Variants in PARVB observed in about 807,000 individuals in gnomAD.
PARVB encodes the protein beta-parvin.
In PARVB, 46 loss-of-function variants were observed where a neutral mutation model predicts 47.0. The ratio of observed to expected loss-of-function variants is 0.98; its 90% CI spans 0.77 to 1.25. The LOEUF (loss-of-function observed/expected upper bound fraction) is 1.25, where lower values mean the gene tolerates loss of function less well. PARVB is among the 50% of genes most tolerant of loss of function. The pLI, the probability that PARVB is intolerant of heterozygous loss-of-function variation, is 0.00. For missense variants in PARVB, 473 were observed against 471.6 expected (o/e 1.00, Z -0.03); for synonymous variants, 196 against 196.3 (o/e 1.00, Z 0.01).
intron 1 of PARVB, among the ~76,000 whole-genome samples, chr22:44,064,619 G>T (rs779440161): frequency 1.3e-5 from 2 of 152,160 alleles, no homozygotes; most frequent in Middle Eastern, 3.2e-3. Context: ...CTGGAGGATC[G>T]CTTGAGCCCA....
intron 1 of PARVB, chr22:44,086,721 T>C: frequency 2.0e-6 from 2 of 984,338 alleles, no homozygotes; most frequent in South Asian, 9.4e-5. Flanking sequence ...CAACTGGACT[T>C]ATTTTTAGAA....
At chr22:44,065,855 GTGCA>G (rs1232098693) in intron 1 of PARVB, among the ~76,000 whole-genome samples, 9 of 135,930 alleles carry the variant, frequency 6.6e-5, no homozygotes, top group South Asian at 2.3e-4. Flanking sequence ...GTGTGTGTGT[GTGCA>G]TGTGTGTGTG....
At chr22:44,133,182 G>A (rs1036507003) in intron 6 of PARVB, among the ~76,000 whole-genome samples, 173 bp downstream of exon 6, 2 of 151,920 alleles carry the variant, frequency 1.3e-5, no homozygotes, top group Non-Finnish European at 2.9e-5. Context: ...TGATTGGAAC[G>A]GGAACAATGG....
At chr22:44,148,108 A>T in intron 9 of PARVB, 186 bp downstream of exon 9, 1 of 611,986 alleles carries the variant, frequency 1.6e-6, no homozygotes. Context: ...TTTTAACTCA[A>T]CCTCGCTGCT....
intron 4 of PARVB, among the ~76,000 whole-genome samples, chr22:44,128,797 G>T (rs1009012905): frequency 6.6e-6 from 1 of 152,206 alleles, no homozygotes; most frequent in South Asian, 2.1e-4. Flanking sequence ...ATAATAATAG[G>T]CTGGGTGTGA....
At chr22:44,065,215 G>A (rs1036502417) in intron 1 of PARVB, among the ~76,000 whole-genome samples, 14 of 152,086 alleles carry the variant, frequency 9.2e-5, no homozygotes, top group Non-Finnish European at 1.9e-4. Flanking sequence ...GATGAATCAG[G>A]GGACGTGGTG....
intron 1 of PARVB, among the ~76,000 whole-genome samples, chr22:44,029,952 A>T (rs2050796118): frequency 6.6e-6 from 1 of 152,170 alleles, no homozygotes; most frequent in South Asian, 2.1e-4. Context: ...GGTAGCTGCG[A>T]CATTGAACTG....
chr22:44,129,864 C>T (rs1396354882), intron 4 of PARVB, among the ~76,000 whole-genome samples: 2 of 152,224 alleles, frequency 1.3e-5, no homozygotes, highest in African/African-American at 4.8e-5. Context: ...GTGCCATATC[C>T]AGCACCTAGG....
rs749951246 is a variant in PARVB, at chr22:44,171,097, T to A, written c.*2419T>A. 6.6e-6 allele frequency: 1 copy of A among 152,498 alleles called. No homozygotes were observed. Among genetic ancestry groups the A allele is most frequent in the East Asian group, 1.9e-4 (1 of 5,178 alleles). The allele number at this position is 152,498 out of a possible 1,614,324, so 9.4% of individuals were successfully genotyped here. ...CGTTCTGTGCTGCCTGCATGGCATG[T>A]ACAGGACCGCGGCCCCCTGGAGCTG... On this transcript the variant is annotated 3_prime_UTR_variant, in exon 13 of 13. Coordinates refer to ENST00000338758, the MANE Select transcript of PARVB (RefSeq NM_013327.5).
At chr22:44,151,651 G>A (rs1194543196) in intron 10 of PARVB, 100 bp downstream of exon 10, 1 of 923,300 alleles carries the variant, frequency 1.1e-6, no homozygotes, top group Non-Finnish European at 1.8e-6. Context: ...GCGCCATTTT[G>A]TTCATCTCAC....
At chr22:44,160,221 G>C (rs79472) in intron 11 of PARVB, among the ~76,000 whole-genome samples, 50,390 of 151,900 alleles carry the variant, frequency 0.33, 8,632 homozygotes, top group South Asian at 0.5. Flanking sequence ...TCTCTCTGTC[G>C]AGTGGGGTGC....
At chr22:44,140,646 C>G in intron 8 of PARVB, 1 of 515,302 alleles carries the variant, frequency 1.9e-6, no homozygotes. Context: ...GTGGCCTGCC[C>G]CTTCCTCTCT....
chr22:44,168,758 C>A lies in PARVB; in HGVS notation c.*80C>A. The A allele has an allele frequency of 1.0e-6, 1 of 1,003,974 alleles. No homozygotes were observed. The highest frequency in any genetic ancestry group is 1.6e-6 in the Non-Finnish European group (1 of 631,842). 62.2% of individuals were successfully genotyped at this position (1,003,974 alleles called of 1,614,324 possible). ...CTGTGCCCTGTGCCTTTCCAGGGAGCCAGGCGCCATGGGCTTCTGGTCCAA... is the reference window on the plus strand; with the variant it reads ...CTGTGCCCTGTGCCTTTCCAGGGAGACAGGCGCCATGGGCTTCTGGTCCAA... On this transcript the variant is annotated 3_prime_UTR_variant, in exon 13 of 13. Transcript: ENST00000338758.
chr22:44,144,196 C>T (rs954061877), intron 8 of PARVB: 2 of 152,350 alleles, frequency 1.3e-5, no homozygotes, highest in African/African-American at 2.4e-5. Context: ...TTTGTGAAGC[C>T]TTCCTCAGGT....
intron 6 of PARVB, 139 bp from the exon 7 acceptor site, chr22:44,136,321 C>G (rs2053439850): frequency 1.3e-6 from 1 of 757,454 alleles, no homozygotes; most frequent in Non-Finnish European, 2.3e-6. Context: ...GCCTGGCATG[C>G]GTGTTCAACA....
chr22:44,152,978 C>T (rs2053842228), intron 10 of PARVB: 1 of 152,190 alleles, frequency 6.6e-6, no homozygotes, highest in Admixed American at 6.5e-5. Flanking sequence ...CCCATAATCC[C>T]GTCACCCGGA....
chr22:44,141,333 T>G (rs2053548209), intron 8 of PARVB: 1 of 152,376 alleles, frequency 6.6e-6, no homozygotes, highest in African/African-American at 2.4e-5. Context: ...CCCACAATAG[T>G]CCTTCTGCAA....
At chr22:44,062,721 A>C (rs1484873205) in intron 1 of PARVB, among the ~76,000 whole-genome samples, 1 of 151,756 alleles carries the variant, frequency 6.6e-6, no homozygotes, top group Non-Finnish European at 1.5e-5. Context: ...GGTGCAGGTG[A>C]GCAGAACAGG....
intron 11 of PARVB, 111 bp downstream of exon 11, chr22:44,158,194 G>A: frequency 1.5e-6 from 1 of 688,452 alleles, no homozygotes; most frequent in Admixed American, 2.7e-5. Flanking sequence ...TCTTCAGAAA[G>A]TAAAAAATGC....
Sources: gnomAD v4.1 joint callset for allele counts (sites outside exome capture counted in the v4.1 genomes callset) on GRCh38, gnomAD v4.1.1 for gene constraint, MANE v1.5 for transcripts, NCBI Gene and HGNC (gene_info 2026-07-23, HGNC 2026-07-21) for gene names.